Variants in DLG2 observed in about 807,000 individuals in gnomAD.
The protein encoded by DLG2 is discs large MAGUK scaffold protein 2, also known as disks large homolog 2.
Under a neutral mutation model 132.5 loss-of-function variants are expected in DLG2, and 45 were observed. That is an observed-to-expected ratio of 0.34 (90% confidence interval 0.27 to 0.44). DLG2 has a LOEUF of 0.44. Among genes scored for constraint, DLG2 ranks in the 20% least tolerant of loss-of-function variants. DLG2 has a pLI of 1.00. For synonymous variants in DLG2, 424 were observed against 419.6 expected (o/e 1.01, Z -0.13); for missense variants, 1,045 against 1,196.9 (o/e 0.87, Z 1.87).
At chr11:83,565,393 G>C (rs2096688491) in intron 19 of DLG2, among the ~76,000 whole-genome samples, 1 of 152,214 alleles carries the variant, frequency 6.6e-6, no homozygotes, top group South Asian at 2.1e-4. Context: ...TGGGGAAAGA[G>C]AAAAAGGCAG....
In DLG2 at chr11:85,615,979, T is replaced by C. The variant is rs77132537; in HGVS notation, c.-93+10608A>G. On this transcript the variant is annotated intron_variant, in intron 2 of 27. Transcript: ENST00000376104. ...CAGTTTCTTATCTACAAAATAATTT[T>C]TATATGGTCTAGGTCTCTTGATTTG... Among the ~76,000 whole-genome samples, 1,382 of 152,036 alleles carry C rather than the reference T, an allele frequency of 9.1e-3. 19 individuals carry two copies. Among genetic ancestry groups the C allele is most frequent in the African/African-American group, 0.03 (1,236 of 41,444 alleles).
At chr11:84,985,379 T>A (rs149868258) in intron 6 of DLG2, among the ~76,000 whole-genome samples, 3 of 152,114 alleles carry the variant, frequency 2.0e-5, no homozygotes, top group Non-Finnish European at 2.9e-5. Context: ...CAAATGATCA[T>A]TGGATCAAAA....
intron 6 of DLG2, among the ~76,000 whole-genome samples, chr11:84,834,890 T>C (rs1310954896): frequency 6.6e-6 from 1 of 151,424 alleles, no homozygotes; most frequent in Admixed American, 6.6e-5. Flanking sequence ...CTGGTGTCTT[T>C]CAGGGTGTTA....
At chr11:84,739,622 G>T (rs1033511040) in intron 6 of DLG2, among the ~76,000 whole-genome samples, 2 of 152,142 alleles carry the variant, frequency 1.3e-5, no homozygotes, top group Non-Finnish European at 2.9e-5. Context: ...TATTGATAAG[G>T]CAGTAAGTAT....
At chr11:84,192,072 T>C (rs1011992288) in intron 8 of DLG2, among the ~76,000 whole-genome samples, 28 of 151,354 alleles carry the variant, frequency 1.8e-4, no homozygotes, top group African/African-American at 6.3e-4. Context: ...ATCCAAAGAA[T>C]TCCATTAAGA....
intron 5 of DLG2, among the ~76,000 whole-genome samples, chr11:85,128,216 A>AT (rs566807706): frequency 2.0e-5 from 3 of 152,016 alleles, no homozygotes; most frequent in East Asian, 1.9e-4. Context: ...TTATTTGTAG[A>AT]TTTTTTTTAA....
At chr11:85,581,024 G>C (rs953108431) in intron 3 of DLG2, among the ~76,000 whole-genome samples, 2 of 152,028 alleles carry the variant, frequency 1.3e-5, no homozygotes, top group East Asian at 1.9e-4. Flanking sequence ...TCCACTAATG[G>C]GGGGGCACCA....
At chr11:84,011,524 T>C (rs2094893077) in intron 11 of DLG2, among the ~76,000 whole-genome samples, 2 of 152,122 alleles carry the variant, frequency 1.3e-5, no homozygotes, top group South Asian at 4.1e-4. Context: ...AAAACCAGCT[T>C]TACTCTTCTA....
At chr11:83,962,068 T>G (rs2088951432) in intron 14 of DLG2, among the ~76,000 whole-genome samples, 1 of 152,010 alleles carries the variant, frequency 6.6e-6, no homozygotes, top group African/African-American at 2.4e-5. Context: ...TCTCTACTTT[T>G]TGAAAGGCTG....
At position 85,396,333 on chromosome 11, in the gene DLG2, A is replaced by G. The variant is rs2087365048; in HGVS notation, c.41-110968T>C. On this transcript the variant is annotated intron_variant, in intron 3 of 27. Coordinates refer to ENST00000376104, the MANE Select transcript of DLG2 (RefSeq NM_001142699.3). ...CAAACATGGGGAGAAACAAGAGCAG[A>G]AAAGCTGAAATTCCAAAAAAGAGAG... is the stretch of plus-strand genomic sequence containing the variant. Among the ~76,000 whole-genome samples, 3 of 152,312 alleles carry G rather than the reference A, an allele frequency of 2.0e-5. No individual in the cohort carries two copies. In the South Asian group the frequency reaches 6.2e-4, roughly 32 times the overall value.
At chr11:84,999,917 C>T (rs967486872) in intron 6 of DLG2, among the ~76,000 whole-genome samples, 2 of 152,096 alleles carry the variant, frequency 1.3e-5, no homozygotes, top group African/African-American at 4.8e-5. Flanking sequence ...GGCAGATCTG[C>T]ATCCTATTCC....
intron 18 of DLG2, among the ~76,000 whole-genome samples, chr11:83,700,872 G>A (rs376598387): frequency 3.2e-4 from 48 of 152,296 alleles, no homozygotes; most frequent in South Asian, 1.7e-3. Flanking sequence ...AATCACAAGT[G>A]TTCAGATATT....
intron 6 of DLG2, among the ~76,000 whole-genome samples, chr11:85,076,072 TG>T (rs896243420): frequency 1.3e-5 from 2 of 152,004 alleles, no homozygotes; most frequent in Non-Finnish European, 2.9e-5. Context: ...TTAAGCTTGT[TG>T]GTCAATCTTT....
At chr11:83,930,566 T>C (rs1213281601) in intron 14 of DLG2, 83 bp from the exon 15 acceptor site, 1 of 1,362,916 alleles carries the variant, frequency 7.3e-7, no homozygotes, top group Non-Finnish European at 1.0e-6. Flanking sequence ...TCTCAGCATG[T>C]GCAAAAGTAA....
At chr11:84,101,311 G>T (rs1195990950) in intron 9 of DLG2, among the ~76,000 whole-genome samples, 2 of 152,106 alleles carry the variant, frequency 1.3e-5, no homozygotes, top group African/African-American at 4.8e-5. Flanking sequence ...AGACAATAAA[G>T]TTGGAACAAA....
intron 6 of DLG2, among the ~76,000 whole-genome samples, chr11:84,974,597 G>A (rs1032935535): frequency 1.3e-5 from 2 of 152,262 alleles, no homozygotes; most frequent in Admixed American, 6.5e-5. Context: ...AACAAGACAC[G>A]TCTTCAGTTG....
At chr11:83,657,750 C>T (rs764800766) in intron 18 of DLG2, among the ~76,000 whole-genome samples, 18 of 152,142 alleles carry the variant, frequency 1.2e-4, no homozygotes, top group Non-Finnish European at 1.8e-4. Context: ...CCGCATTAGC[C>T]AGGATGGTCT....
At chr11:83,769,033 A>G (rs1166635766) in intron 18 of DLG2, among the ~76,000 whole-genome samples, 1 of 152,230 alleles carries the variant, frequency 6.6e-6, no homozygotes, top group South Asian at 2.1e-4. Context: ...GGCATAATGT[A>G]CATAAATATT....
At chr11:84,507,890 T>C (rs1374777381) in intron 7 of DLG2, among the ~76,000 whole-genome samples, 1 of 152,206 alleles carries the variant, frequency 6.6e-6, no homozygotes, top group African/African-American at 2.4e-5. Context: ...TTGAGGATTG[T>C]TGCATCCTTT....
Sources: allele counts gnomAD v4.1 joint callset (sites outside exome capture counted in the v4.1 genomes callset), GRCh38; gene constraint gnomAD v4.1.1; transcripts MANE v1.5; gene names NCBI Gene and HGNC (gene_info 2026-07-23, HGNC 2026-07-21).